The following UBXN2A variants were observed in gnomAD, a reference collection of about 807,000 sequenced individuals.
The protein encoded by UBXN2A is UBX domain-containing protein 2A.
A neutral mutation model predicts 28.4 loss-of-function variants in UBXN2A; 28 were observed. That is an observed-to-expected ratio of 0.99 (90% confidence interval 0.73 to 1.35). The LOEUF (loss-of-function observed/expected upper bound fraction) is 1.35. UBXN2A is among the 40% of genes most tolerant of loss of function. UBXN2A has a pLI of 0.00. For synonymous variants in UBXN2A, 97 were observed against 103.6 expected (o/e 0.94, Z 0.39); for missense variants, 253 against 297.9 (o/e 0.85, Z 1.11).
intron 2 of UBXN2A, among the ~76,000 whole-genome samples, chr2:23,970,579 G>A (rs1707372689): frequency 6.6e-6 from 1 of 151,792 alleles, no homozygotes; most frequent in Admixed American, 6.6e-5. Context: ...CAGGAGAGAA[G>A]GGGAGAAGGG....
At chr2:23,933,388 C>T (rs1270127059) in intron 1 of UBXN2A, among the ~76,000 whole-genome samples, 1 of 152,066 alleles carries the variant, frequency 6.6e-6, no homozygotes, top group Non-Finnish European at 1.5e-5. Context: ...TGCCTGTAAT[C>T]CCAGCTACTC....
chr2:23,999,645 A>G (rs368167685), intron 6 of UBXN2A, 27 bp from the exon 7 acceptor site: 3 of 1,583,358 alleles, frequency 1.9e-6, no homozygotes, highest in East Asian at 4.5e-5. Context: ...TCCTAAAATT[A>G]TATTAATAGT....
intron 1 of UBXN2A, among the ~76,000 whole-genome samples, chr2:23,952,869 A>G (rs1379577149): frequency 1.3e-5 from 2 of 151,318 alleles, no homozygotes; most frequent in Non-Finnish European, 2.9e-5. Flanking sequence ...GTGAGCCACC[A>G]TGCCTGGCCT....
intron 6 of UBXN2A, among the ~76,000 whole-genome samples, chr2:23,995,710 G>A (rs561682146): frequency 0.041 from 5,730 of 140,190 alleles, 102 homozygotes; most frequent in Admixed American, 0.047. Flanking sequence ...AAAAAGAAAA[G>A]AAAAAAAAAA....
intron 6 of UBXN2A, among the ~76,000 whole-genome samples, chr2:23,987,350 C>T (rs1708172233): frequency 6.6e-6 from 1 of 152,056 alleles, no homozygotes; most frequent in Non-Finnish European, 1.5e-5. Context: ...AGGTAAATAA[C>T]CACTGTCCTA....
At chr2:23,929,023 C>T (rs1354877656) in intron 1 of UBXN2A, among the ~76,000 whole-genome samples, 2 of 152,128 alleles carry the variant, frequency 1.3e-5, no homozygotes, top group African/African-American at 4.8e-5. Flanking sequence ...GGCACTGTAG[C>T]TCACACCTGT....
upstream of UBXN2A, among the ~76,000 whole-genome samples, chr2:23,937,954 G>A (rs921703699): frequency 2.0e-5 from 3 of 152,156 alleles, no homozygotes; most frequent in Non-Finnish European, 2.9e-5. Flanking sequence ...ATTGAATACT[G>A]TAGACAATTG....
chr2:23,993,455 T>G (rs977338021), intron 6 of UBXN2A, among the ~76,000 whole-genome samples: 1 of 152,124 alleles, frequency 6.6e-6, no homozygotes, highest in Non-Finnish European at 1.5e-5. Context: ...CCTGCTGGGA[T>G]TATAGGCTTG....
chr2:23,934,179 C>G (rs893604049), intron 1 of UBXN2A, among the ~76,000 whole-genome samples: 16 of 151,964 alleles, frequency 1.1e-4, no homozygotes, highest in African/African-American at 3.9e-4. Context: ...CCACTGCACT[C>G]CAGCCTGGGC....
chr2:23,984,177 A>T (rs944122504), intron 5 of UBXN2A, among the ~76,000 whole-genome samples: 5 of 152,212 alleles, frequency 3.3e-5, no homozygotes, highest in African/African-American at 7.2e-5. Flanking sequence ...ATAAATTCTC[A>T]TATTTTAAAT....
At chr2:23,941,073 G>A (rs1480345077) in intron 1 of UBXN2A, among the ~76,000 whole-genome samples, 2 of 152,058 alleles carry the variant, frequency 1.3e-5, no homozygotes, top group Non-Finnish European at 2.9e-5. Flanking sequence ...CACTTTCTCT[G>A]ATGTTTTGAA....
chr2:23,987,726 C>T lies in UBXN2A; in HGVS notation c.584+2895C>T, dbSNP rs1173186941. Among the ~76,000 whole-genome samples, 4 of 148,764 alleles carry T rather than the reference C, an allele frequency of 2.7e-5. No individual in the cohort carries two copies. The Admixed American group carries it at 2.7e-4, about 10-fold the overall frequency. On this transcript the variant is annotated intron_variant, in intron 6 of 6. Coordinates refer to ENST00000309033, the MANE Select transcript of UBXN2A (RefSeq NM_181713.4). ...CTGGGAGGTGGAGCTTGCATTAAGC[C>T]GAGATCGCGCCACTGCACTCCAGCC...
chr2:23,948,180 A>G (rs1292824614), intron 1 of UBXN2A, among the ~76,000 whole-genome samples: 2 of 151,520 alleles, frequency 1.3e-5, no homozygotes, highest in Non-Finnish European at 2.9e-5. Flanking sequence ...TCGTGAAATC[A>G]AAAGTAAAAT....
chr2:23,960,139 C>G (rs1395072353), intron 2 of UBXN2A, among the ~76,000 whole-genome samples: 1 of 152,002 alleles, frequency 6.6e-6, no homozygotes, highest in African/African-American at 2.4e-5. Context: ...GCCTGTAGTC[C>G]CAGCTACTCG....
chr2:23,959,803 A>G (rs1306131647), intron 2 of UBXN2A, among the ~76,000 whole-genome samples: 1 of 152,196 alleles, frequency 6.6e-6, no homozygotes, highest in Non-Finnish European at 1.5e-5. Flanking sequence ...CTCATTGGAG[A>G]TGAGCCTAGA....
chr2:23,971,384 A>ATG lies in UBXN2A; in HGVS notation c.156_157dup (p.Ser53CysfsTer10). Reference sequence around the variant, plus strand: ...AGGAAGCTCAGAAGGTTAGTTCCAAATGTGTGTCTCCCGCTGAACAGAAGA... The same window carrying ATG: ...AGGAAGCTCAGAAGGTTAGTTCCAAATGTGTGTGTCTCCCGCTGAACAGAAGA... On this transcript the variant is annotated frameshift_variant, in exon 3 of 7. Transcript: ENST00000309033. LOFTEE classifies it high-confidence loss of function. 6.4e-7 allele frequency: 1 copy of ATG among 1,566,976 alleles called. No individual in the cohort carries two copies. Among genetic ancestry groups the ATG allele is most frequent in the Non-Finnish European group, 8.7e-7 (1 of 1,146,746 alleles).
Position 24,000,334 on chromosome 2 carries a change from C to CA in UBXN2A, c.*468dup, listed in dbSNP as rs899300050. The CA allele has an allele frequency of 1.3e-5, 2 of 152,898 alleles. No homozygotes were observed. The highest frequency in any genetic ancestry group is 4.8e-5 in the African/African-American group (2 of 41,350). 9.5% of individuals were successfully genotyped at this position (152,898 alleles called of 1,614,324 possible). ...CGAGACAGGCAGATCACGAGGTCAA[C>CA]AGATTGAGACCATCCTGGCAAACAT... On this transcript the variant is annotated 3_prime_UTR_variant, in exon 7 of 7. Coordinates refer to ENST00000309033, the MANE Select transcript of UBXN2A (RefSeq NM_181713.4).
In UBXN2A at chr2:23,944,337, C is replaced by G. The variant is rs112342217; in HGVS notation, c.-15+3689C>G. 1,243 of 1,593,460 alleles carry G rather than the reference C, an allele frequency of 7.8e-4. 11 individuals carry two copies. The highest frequency in any genetic ancestry group is 1.3e-3 in the Middle Eastern group (8 of 5,976). ...GGTTCTTACTGTGTTATTTGTAGGGCTGGCAGCTGTGTGAAGAACTGAGGT... is the reference window on the plus strand; with the variant it reads ...GGTTCTTACTGTGTTATTTGTAGGGGTGGCAGCTGTGTGAAGAACTGAGGT... On this transcript the variant is annotated intron_variant, in intron 1 of 6. Transcript: ENST00000309033.
At chr2:23,985,695 T>C (rs1336658731) in intron 6 of UBXN2A, among the ~76,000 whole-genome samples, 1 of 152,090 alleles carries the variant, frequency 6.6e-6, no homozygotes, top group Non-Finnish European at 1.5e-5. Flanking sequence ...ATGGGTATTT[T>C]TAAACATTGA....
Sources: gnomAD v4.1 joint callset for allele counts (sites outside exome capture counted in the v4.1 genomes callset) on GRCh38, gnomAD v4.1.1 for gene constraint, MANE v1.5 for transcripts, NCBI Gene and HGNC (gene_info 2026-07-23, HGNC 2026-07-21) for gene names.